VEGFC: variants seen among roughly 807,000 people sequenced by gnomAD.
The protein encoded by VEGFC is vascular endothelial growth factor C.
In VEGFC, 12 loss-of-function variants were observed where a neutral mutation model predicts 46.1. The observed-to-expected ratio is 0.26, with a 90% CI of 0.17 to 0.42. The LOEUF is 0.42. Among genes scored for constraint, VEGFC ranks in the 10% least tolerant of loss-of-function variants. The pLI is 1.00. For missense variants in VEGFC, 488 were observed against 529.4 expected (o/e 0.92, Z 0.77); for synonymous variants, 232 against 195.5 (o/e 1.19, Z -1.56).
At chr4:176,684,063 A>G (rs748045524) in intron 6 of VEGFC, 23 bp from the exon 7 acceptor site, 8 of 1,568,120 alleles carry the variant, frequency 5.1e-6, no homozygotes, top group Non-Finnish European at 7.0e-6. Context: ...ACAAGAACAC[A>G]CTTACGTTAA....
At chr4:176,771,834 G>T (rs868172030) in intron 1 of VEGFC, among the ~76,000 whole-genome samples, 5 of 152,248 alleles carry the variant, frequency 3.3e-5, no homozygotes, top group Middle Eastern at 6.8e-3. Flanking sequence ...ATCACACAGT[G>T]TGGGATCTAC....
intron 1 of VEGFC, among the ~76,000 whole-genome samples, chr4:176,754,155 C>G (rs1735394356): frequency 6.6e-6 from 1 of 151,784 alleles, no homozygotes; most frequent in South Asian, 2.1e-4. Context: ...ATGGTCAAAA[C>G]ACAGCATTTA....
At chr4:176,739,241 G>A (rs1735114074) in intron 1 of VEGFC, among the ~76,000 whole-genome samples, 1 of 151,206 alleles carries the variant, frequency 6.6e-6, no homozygotes, top group South Asian at 2.1e-4. Flanking sequence ...GAAAGACAGT[G>A]TGGTGATTCC....
At chr4:176,749,183 G>A (rs987459793) in intron 1 of VEGFC, among the ~76,000 whole-genome samples, 2 of 151,828 alleles carry the variant, frequency 1.3e-5, no homozygotes, top group African/African-American at 4.8e-5. Context: ...GCCTAACAAT[G>A]AATACAGGAG....
intron 1 of VEGFC, among the ~76,000 whole-genome samples, chr4:176,743,217 G>C (rs1371332748): frequency 6.6e-6 from 1 of 151,914 alleles, no homozygotes; most frequent in African/African-American, 2.4e-5. Context: ...TAGGCCATCT[G>C]CATTCAAATA....
chr4:176,750,795 C>T (rs1735329306), intron 1 of VEGFC, among the ~76,000 whole-genome samples: 1 of 150,730 alleles, frequency 6.6e-6, no homozygotes, highest in South Asian at 2.1e-4. Context: ...TGGTATCTTA[C>T]AGAACCAATG....
intron 1 of VEGFC, among the ~76,000 whole-genome samples, chr4:176,759,225 A>G (rs1224576148): frequency 6.6e-6 from 1 of 152,174 alleles, no homozygotes; most frequent in African/African-American, 2.4e-5. Flanking sequence ...AGACCTGCCA[A>G]TTTGGGGGTT....
intron 1 of VEGFC, among the ~76,000 whole-genome samples, chr4:176,756,442 G>C (rs566519268): frequency 6.6e-6 from 1 of 151,950 alleles, no homozygotes; most frequent in Non-Finnish European, 1.5e-5. Flanking sequence ...GATAAGGAAG[G>C]GTAGATTCCC....
chr4:176,732,424 T>C lies in VEGFC; in HGVS notation c.148-2678A>G, dbSNP rs184167707. Reference sequence around the variant, plus strand: ...CACCTAATTTGTTAAAAGAATGAACTTGAATTTTAATCTGGGGGTCTCTTA... The same window carrying C: ...CACCTAATTTGTTAAAAGAATGAACCTGAATTTTAATCTGGGGGTCTCTTA... On this transcript the variant is annotated intron_variant, in intron 1 of 6. Transcript: ENST00000618562. 2.3e-3 allele frequency among the ~76,000 whole-genome samples: 348 copies of C among 152,072 alleles called. 2 individuals carry two copies. The highest frequency in any genetic ancestry group is 7.2e-3 in the African/African-American group (298 of 41,548).
At chr4:176,744,965 T>C (rs1735237564) in intron 1 of VEGFC, among the ~76,000 whole-genome samples, 1 of 152,066 alleles carries the variant, frequency 6.6e-6, no homozygotes, top group African/African-American at 2.4e-5. Flanking sequence ...CTAGTTGTAG[T>C]GCAGCCTTGA....
chr4:176,688,013 G>A, intron 4 of VEGFC, 86 bp from the exon 5 acceptor site: 1 of 663,648 alleles, frequency 1.5e-6, no homozygotes, highest in Non-Finnish European at 2.6e-6. Context: ...TCAAAATAAT[G>A]CTCATAGAAA....
At chr4:176,725,690 TA>T (rs1734862023) in intron 3 of VEGFC, among the ~76,000 whole-genome samples, 1 of 152,110 alleles carries the variant, frequency 6.6e-6, no homozygotes, top group Non-Finnish European at 1.5e-5. Flanking sequence ...TTTTAAAATA[TA>T]AATCATTAAC....
intron 1 of VEGFC, among the ~76,000 whole-genome samples, chr4:176,790,110 T>C (rs926933544): frequency 6.6e-6 from 1 of 152,210 alleles, no homozygotes; most frequent in African/African-American, 2.4e-5. Context: ...TCTTGGCAGT[T>C]GTGTGACATG....
At chr4:176,699,568 T>C (rs1468237385) in intron 4 of VEGFC, among the ~76,000 whole-genome samples, 1 of 152,226 alleles carries the variant, frequency 6.6e-6, no homozygotes, top group African/African-American at 2.4e-5. Context: ...TTGTCAGAGC[T>C]ACAGAGCCCT....
intron 1 of VEGFC, among the ~76,000 whole-genome samples, chr4:176,768,513 T>TATATATATATATATA (rs58971102): frequency 4.2e-4 from 61 of 143,714 alleles, no homozygotes; most frequent in East Asian, 1.2e-3. Context: ...TATATATATA[T>TATATATATATATATA]TTCAAATTTT....
In VEGFC at chr4:176,697,059, A is replaced by T. The variant is rs532488561; in HGVS notation, c.705-9132T>A. Among the ~76,000 whole-genome samples the T allele has an allele frequency of 1.6e-3, 246 of 152,010 alleles. 1 individual carries two copies. Among genetic ancestry groups the T allele is most frequent in the Middle Eastern group, 3.4e-3 (1 of 294 alleles). On this transcript the variant is annotated intron_variant, in intron 4 of 6. Transcript: ENST00000618562. ...GAAGAAAACCTAGGCATTACCATTC[A>T]GGACATAGGCATGGGCAAGGACTTC...
chr4:176,731,855 C>A (rs1734970356), intron 1 of VEGFC, among the ~76,000 whole-genome samples: 1 of 151,752 alleles, frequency 6.6e-6, no homozygotes, highest in African/African-American at 2.4e-5. Flanking sequence ...CAAATTAGTA[C>A]CGTAAAACTT....
At chr4:176,756,425 T>C (rs374511370) in intron 1 of VEGFC, among the ~76,000 whole-genome samples, 2 of 151,922 alleles carry the variant, frequency 1.3e-5, no homozygotes, top group African/African-American at 4.8e-5. Flanking sequence ...GTGGCTACTT[T>C]AGAACAGATA....
intron 4 of VEGFC, among the ~76,000 whole-genome samples, chr4:176,696,918 A>G (rs1259176059): frequency 2.6e-5 from 4 of 151,886 alleles, no homozygotes; most frequent in African/African-American, 9.7e-5. Flanking sequence ...TGCTGGGAAA[A>G]CTGGCTAGCC....
Sources: allele counts gnomAD v4.1 joint callset (sites outside exome capture counted in the v4.1 genomes callset), GRCh38; gene constraint gnomAD v4.1.1; transcripts MANE v1.5; gene names NCBI Gene and HGNC (gene_info 2026-07-23, HGNC 2026-07-21).